The following CNTNAP2 variants were observed in gnomAD, a reference collection of about 807,000 sequenced individuals.
The protein encoded by CNTNAP2 is contactin-associated protein-like 2.
Under a neutral mutation model 155.2 loss-of-function variants are expected in CNTNAP2, and 98 were observed. The ratio of observed to expected loss-of-function variants is 0.63; its 90% CI spans 0.54 to 0.75. The LOEUF (loss-of-function observed/expected upper bound fraction) is 0.75, where lower values mean the gene tolerates loss of function less well. Among genes scored for constraint, CNTNAP2 ranks in the 30% least tolerant of loss-of-function variants. The pLI is 0.00. For missense variants in CNTNAP2, 1,727 were observed against 1,688.1 expected, an observed-to-expected ratio of 1.02 and a Z score of -0.40; for synonymous variants, 651 against 631.2, an observed-to-expected ratio of 1.03 and a Z score of -0.47.
intron 8 of CNTNAP2, among the ~76,000 whole-genome samples, chr7:147,190,040 A>G (rs934275996): frequency 6.6e-6 from 1 of 151,846 alleles, no homozygotes; most frequent in Non-Finnish European, 1.5e-5. Context: ...CACCGTGCCC[A>G]CCCTTAACAC....
rs1374685930 is a variant in CNTNAP2, at chr7:146,120,584, A to G, written c.97+3611A>G. Among the ~76,000 whole-genome samples, 2 of 152,182 alleles carry G rather than the reference A, an allele frequency of 1.3e-5. 1 individual carries two copies. The highest frequency in any genetic ancestry group is 4.8e-5 in the African/African-American group (2 of 41,438). On this transcript the variant is annotated intron_variant, in intron 1 of 23. Coordinates refer to ENST00000361727, the MANE Select transcript of CNTNAP2 (RefSeq NM_014141.6). ...TTGTTTGGTGCATATCATATTTTAA[A>G]TCTTACAGTTATGTGCCCCATAATG...
At chr7:146,523,061 G>T (rs1295694234) in intron 1 of CNTNAP2, among the ~76,000 whole-genome samples, 1 of 151,688 alleles carries the variant, frequency 6.6e-6, no homozygotes, top group Non-Finnish European at 1.5e-5. Flanking sequence ...AAGTTCTTTA[G>T]TGGTGGTTTG....
intron 14 of CNTNAP2, among the ~76,000 whole-genome samples, chr7:147,917,808 G>A (rs1187588020): frequency 6.6e-6 from 1 of 152,158 alleles, no homozygotes. Flanking sequence ...AGGTCCCTGT[G>A]ATCTCCAGAA....
intron 1 of CNTNAP2, among the ~76,000 whole-genome samples, chr7:146,120,086 TTAAG>T (rs1160371445): frequency 6.6e-6 from 1 of 151,898 alleles, no homozygotes; most frequent in African/African-American, 2.4e-5. Context: ...TGCAATTATT[TTAAG>T]TAACTAACGC....
chr7:147,596,777 G>T (rs1435595736), intron 12 of CNTNAP2, among the ~76,000 whole-genome samples: 1 of 152,236 alleles, frequency 6.6e-6, no homozygotes, highest in African/African-American at 2.4e-5. Flanking sequence ...TCACAGGATG[G>T]AATAGGAGGT....
intron 1 of CNTNAP2, among the ~76,000 whole-genome samples, chr7:146,476,646 G>A (rs890151595): frequency 6.6e-6 from 1 of 152,118 alleles, no homozygotes; most frequent in Non-Finnish European, 1.5e-5. Flanking sequence ...TACCTAGAAT[G>A]AAGATAATCT....
chr7:147,186,765 G>A (rs1293837761), intron 8 of CNTNAP2, among the ~76,000 whole-genome samples: 1 of 152,202 alleles, frequency 6.6e-6, no homozygotes. Flanking sequence ...GAGGATGTGA[G>A]CACAGTGGGC....
At chr7:148,042,943 T>C (rs1016905833) in intron 15 of CNTNAP2, among the ~76,000 whole-genome samples, 7 of 152,248 alleles carry the variant, frequency 4.6e-5, no homozygotes, top group African/African-American at 1.7e-4. Context: ...GACTTCAGCA[T>C]ATTGCTGTTC....
At chr7:147,530,221 T>G (rs987037232) in intron 11 of CNTNAP2, among the ~76,000 whole-genome samples, 4 of 150,604 alleles carry the variant, frequency 2.7e-5, no homozygotes, top group Non-Finnish European at 5.9e-5. Flanking sequence ...AGTCTTGCTT[T>G]GCTGCCCAGG....
intron 14 of CNTNAP2, among the ~76,000 whole-genome samples, chr7:147,913,977 A>T (rs1239115200): frequency 1.3e-5 from 2 of 152,148 alleles, no homozygotes; most frequent in Non-Finnish European, 2.9e-5. Context: ...TCTTTGACTG[A>T]ATCCTTCACC....
At chr7:146,227,810 A>C (rs1489033790) in intron 1 of CNTNAP2, among the ~76,000 whole-genome samples, 2 of 152,194 alleles carry the variant, frequency 1.3e-5, no homozygotes, top group African/African-American at 4.8e-5. Flanking sequence ...TGTTGATGGA[A>C]TCAGCAGTGC....
At chr7:148,054,398 A>C (rs1443397893) in intron 15 of CNTNAP2, among the ~76,000 whole-genome samples, 2 of 149,684 alleles carry the variant, frequency 1.3e-5, no homozygotes, top group Non-Finnish European at 3.0e-5. Flanking sequence ...AAATGGGACT[A>C]GACTATACAG....
chr7:146,792,443 T>C (rs2129189342), intron 2 of CNTNAP2, among the ~76,000 whole-genome samples: 2 of 152,284 alleles, frequency 1.3e-5, no homozygotes, highest in East Asian at 1.9e-4. Context: ...CCAACATTGA[T>C]CCCTTCAGCC....
At chr7:146,619,978 C>T (rs1488250717) in intron 1 of CNTNAP2, among the ~76,000 whole-genome samples, 1 of 152,146 alleles carries the variant, frequency 6.6e-6, no homozygotes, top group Non-Finnish European at 1.5e-5. Flanking sequence ...TAAATGTAAA[C>T]TTACGTTCTC....
At chr7:147,894,367 A>T (rs1394849547) in intron 13 of CNTNAP2, 1 of 152,204 alleles carries the variant, frequency 6.6e-6, no homozygotes, top group Admixed American at 6.5e-5. Context: ...TCTGAGCATG[A>T]GTCGCTTAGA....
intron 1 of CNTNAP2, among the ~76,000 whole-genome samples, chr7:146,759,083 A>G (rs1802040580): frequency 6.7e-6 from 1 of 150,188 alleles, no homozygotes. Flanking sequence ...GGATTGGTAT[A>G]GTTTTTTTAT....
chr7:146,981,206 G>A (rs1290421423), intron 3 of CNTNAP2, among the ~76,000 whole-genome samples: 3 of 152,036 alleles, frequency 2.0e-5, no homozygotes, highest in Non-Finnish European at 4.4e-5. Flanking sequence ...TAAAAATATA[G>A]GACTACATGG....
intron 9 of CNTNAP2, among the ~76,000 whole-genome samples, chr7:147,313,723 T>A (rs7807671): frequency 0.49 from 74,430 of 151,846 alleles, 19,434 homozygotes; most frequent in East Asian, 0.73. Context: ...TTCTTTTGGC[T>A]TAGGACTGAC....
intron 1 of CNTNAP2, among the ~76,000 whole-genome samples, chr7:146,504,429 C>A (rs887996254): frequency 2.0e-5 from 3 of 152,312 alleles, no homozygotes; most frequent in African/African-American, 7.2e-5. Flanking sequence ...GATGAAGGTA[C>A]AACATTGCAT....
Sources: allele counts gnomAD v4.1 joint callset (sites outside exome capture counted in the v4.1 genomes callset), GRCh38; gene constraint gnomAD v4.1.1; transcripts MANE v1.5; gene names NCBI Gene and HGNC (gene_info 2026-07-23, HGNC 2026-07-21).